The following POU2F3 variants were observed in gnomAD, a reference collection of about 807,000 sequenced individuals.
POU2F3 encodes the protein POU domain, class 2, transcription factor 3.
A neutral mutation model predicts 59.2 loss-of-function variants in POU2F3; 23 were observed. The ratio of observed to expected loss-of-function variants is 0.39; its 90% CI spans 0.28 to 0.55. POU2F3 has a LOEUF of 0.55. Ranked by LOEUF, POU2F3 falls within the 20% of genes least tolerant of loss-of-function variation. The pLI is 0.66. For missense variants in POU2F3, 473 were observed against 544.5 expected (o/e 0.87, Z 1.31); for synonymous variants, 190 against 214.6 (o/e 0.89, Z 1.00).
At chr11:120,287,377 C>G (rs1940821136) in intron 3 of POU2F3, among the ~76,000 whole-genome samples, 1 of 152,184 alleles carries the variant, frequency 6.6e-6, no homozygotes, top group Non-Finnish European at 1.5e-5. Flanking sequence ...ATGCACTGTG[C>G]TGGGCAGGCC....
intron 3 of POU2F3, among the ~76,000 whole-genome samples, chr11:120,288,127 C>CAAAAAAAA (rs1491240764): frequency 9.2e-4 from 7 of 7,638 alleles, no homozygotes; most frequent in South Asian, 0.015. Context: ...AACAAAAAAA[C>CAAAAAAAA]CAAAAAAAAA....
chr11:120,303,311 T>A (rs974798942), intron 6 of POU2F3: 1 of 152,192 alleles, frequency 6.6e-6, no homozygotes, highest in Non-Finnish European at 1.5e-5. Context: ...CTGGAAGAGA[T>A]CTTAGAATCT....
At chr11:120,246,745 G>A (rs985343123) in intron 2 of POU2F3, among the ~76,000 whole-genome samples, 1 of 152,184 alleles carries the variant, frequency 6.6e-6, no homozygotes, top group Non-Finnish European at 1.5e-5. Context: ...AGGCTAGGAA[G>A]AGACCAGATA....
chr11:120,317,136 C>T, intron 11 of POU2F3, 93 bp from the exon 12 acceptor site: 3 of 1,484,152 alleles, frequency 2.0e-6, no homozygotes, highest in Non-Finnish European at 2.8e-6. Context: ...TTTGGGGATA[C>T]ACCAGGAAAT....
At position 120,317,697 on chromosome 11, in the gene POU2F3, G is replaced by A. The variant is rs192568005; in HGVS notation, c.1271+333G>A. The stretch of plus-strand genomic sequence containing the variant: ...GGGCTTCATGGGAACCCAGTTCTCA[G>A]GAGGTTCTGATGTGAGCCCAGAGCT... On this transcript the variant is annotated intron_variant, in intron 12 of 12. Transcript: ENST00000543440. Among the ~76,000 whole-genome samples, 707 of 144,360 alleles carry A rather than the reference G, an allele frequency of 4.9e-3. 4 individuals are homozygous for A. Among genetic ancestry groups the A allele is most frequent in the African/African-American group, 0.016 (638 of 40,626 alleles). 94.7% of individuals were successfully genotyped at this position (144,360 alleles called of 152,430 possible).
At chr11:120,236,842 C>A, upstream of POU2F3, 2 of 839,450 alleles carry the variant, frequency 2.4e-6, no homozygotes, top group Admixed American at 2.1e-5. Flanking sequence ...AGAGGGCACC[C>A]CAGCCTTCTA....
chr11:120,266,977 CTT>C (rs1348551903), intron 2 of POU2F3, among the ~76,000 whole-genome samples: 1 of 152,142 alleles, frequency 6.6e-6, no homozygotes, highest in Non-Finnish European at 1.5e-5. Context: ...TTTGTCAAGT[CTT>C]TGAACATTAC....
intron 2 of POU2F3, among the ~76,000 whole-genome samples, chr11:120,251,732 C>T (rs1939108321): frequency 6.6e-6 from 1 of 150,604 alleles, no homozygotes; most frequent in Non-Finnish European, 1.5e-5. Flanking sequence ...TTCTTAGAGA[C>T]TTATTTTTTG....
rs780002233 is a variant in POU2F3, at chr11:120,305,757, C to T, written c.741C>T (p.Pro247=). 1.2e-6 allele frequency: 2 copies of T among 1,613,768 alleles called. No homozygotes were observed. The highest frequency in any genetic ancestry group is 4.5e-5 in the East Asian group (2 of 44,874). ...LSFKNMCKLK[P]LLEKWLNDAE... The stretch of plus-strand genomic sequence containing the variant: ...TCAAGAACATGTGCAAGCTCAAGCC[C>T]CTGCTGGAGAAGTGGCTGAATGATG... The change falls in exon 8 of 13, where the codon CCC becomes CCT. Residue 247 remains proline (P), a synonymous_variant. Transcript: ENST00000543440.
intron 2 of POU2F3, among the ~76,000 whole-genome samples, chr11:120,252,628 C>T (rs567807229): frequency 6.6e-6 from 1 of 152,182 alleles, no homozygotes; most frequent in African/African-American, 2.4e-5. Context: ...TGCCAGAGAT[C>T]GCAGAACAGC....
intron 8 of POU2F3, among the ~76,000 whole-genome samples, chr11:120,307,012 A>G (rs535837367): frequency 1.3e-5 from 2 of 152,212 alleles, no homozygotes; most frequent in Non-Finnish European, 2.9e-5. Flanking sequence ...TCCAACACCA[A>G]CAGTCTGTCA....
intron 3 of POU2F3, 50 bp from the exon 4 acceptor site, chr11:120,298,215 C>CT (rs778100498): frequency 9.4e-5 from 147 of 1,563,078 alleles, no homozygotes; most frequent in Non-Finnish European, 1.2e-4. Flanking sequence ...CCATCTCTGA[C>CT]TGCCTGACGG....
chr11:120,296,563 A>G (rs1941197976), intron 3 of POU2F3, among the ~76,000 whole-genome samples: 1 of 151,760 alleles, frequency 6.6e-6, no homozygotes, highest in Non-Finnish European at 1.5e-5. Flanking sequence ...CTCACCTTCT[A>G]CCCTCCAACA....
chr11:120,242,516 A>C (rs932932098), intron 1 of POU2F3, among the ~76,000 whole-genome samples: 1 of 152,172 alleles, frequency 6.6e-6, no homozygotes, highest in African/African-American at 2.4e-5. Context: ...GATCTTGATA[A>C]ATAGTACTTC....
At chr11:120,315,747 A>G (rs893542359) in intron 11 of POU2F3, among the ~76,000 whole-genome samples, 16 of 152,204 alleles carry the variant, frequency 1.1e-4, no homozygotes, top group African/African-American at 3.9e-4. Context: ...TCTAGTCCTC[A>G]AAAAGCACCT....
intron 3 of POU2F3, among the ~76,000 whole-genome samples, chr11:120,277,518 G>A (rs573275894): frequency 2.5e-4 from 38 of 152,064 alleles, no homozygotes; most frequent in Non-Finnish European, 4.3e-4. Context: ...CCTCACGCCT[G>A]TAATCCCAGC....
At position 120,309,606 on chromosome 11, in the gene POU2F3, G is replaced by A; in HGVS notation, c.1068+20G>A. On this transcript the variant is annotated intron_variant, in intron 10 of 12. Coordinates refer to ENST00000543440, the MANE Select transcript of POU2F3 (RefSeq NM_014352.4). ...CGGCTGGTGAGTGGCCAGGAACCAA[G>A]CTGTCTGCCAAGCACTGGAGGGACA... 6.2e-7 allele frequency: 1 copy of A among 1,609,714 alleles called. No individual in the cohort carries two copies. Among genetic ancestry groups the A allele is most frequent in the Non-Finnish European group, 8.5e-7 (1 of 1,176,344 alleles).
intron 3 of POU2F3, among the ~76,000 whole-genome samples, chr11:120,289,189 TAG>T (rs1565377443): frequency 6.6e-6 from 1 of 152,208 alleles, no homozygotes. Flanking sequence ...TTTTCTGTGC[TAG>T]TTCTGGTCCT....
chr11:120,279,295 T>C (rs1203593216), intron 3 of POU2F3, among the ~76,000 whole-genome samples: 1 of 152,126 alleles, frequency 6.6e-6, no homozygotes, highest in African/African-American at 2.4e-5. Flanking sequence ...CATGTGAAGA[T>C]GAGAACAGTA....
Sources: allele counts gnomAD v4.1 joint callset (sites outside exome capture counted in the v4.1 genomes callset), GRCh38; gene constraint gnomAD v4.1.1; transcripts MANE v1.5; gene names NCBI Gene and HGNC (gene_info 2026-07-23, HGNC 2026-07-21).